The following FSTL5 variants were observed in gnomAD, a reference collection of about 807,000 sequenced individuals.
FSTL5 encodes the protein follistatin-related protein 5.
A neutral mutation model predicts 89.1 loss-of-function variants in FSTL5; 62 were observed. The ratio of observed to expected loss-of-function variants is 0.70; its 90% CI spans 0.57 to 0.86. The LOEUF (loss-of-function observed/expected upper bound fraction) is 0.86. Ranked by LOEUF, FSTL5 falls within the 40% of genes least tolerant of loss-of-function variation. The probability of loss-of-function intolerance (pLI) is 0.00; values close to 1 mark genes in which losing one functional copy is unlikely to be tolerated. For missense variants in FSTL5, 1,057 were observed against 1,001.6 expected (o/e 1.06, Z -0.75); for synonymous variants, 383 against 346.2 (o/e 1.11, Z -1.18).
chr4:161,890,050 T>C (rs1344479689), intron 4 of FSTL5, among the ~76,000 whole-genome samples: 1 of 152,232 alleles, frequency 6.6e-6, no homozygotes, highest in Non-Finnish European at 1.5e-5. Context: ...TCTGATATGG[T>C]TCTGAATCAT....
At chr4:161,416,124 C>T (rs1167079432) in intron 15 of FSTL5, among the ~76,000 whole-genome samples, 1 of 152,040 alleles carries the variant, frequency 6.6e-6, no homozygotes, top group Non-Finnish European at 1.5e-5. Flanking sequence ...TGATCTACTG[C>T]AACACATAAT....
chr4:161,900,437 G>A (rs62331165), intron 4 of FSTL5, among the ~76,000 whole-genome samples: 43,654 of 151,088 alleles, frequency 0.29, 6,907 homozygotes, highest in Non-Finnish European at 0.32. Flanking sequence ...TCAAGAGTTC[G>A]AGACCAGCCT....
intron 15 of FSTL5, among the ~76,000 whole-genome samples, chr4:161,407,845 C>T (rs1031762833): frequency 6.6e-6 from 1 of 152,186 alleles, no homozygotes; most frequent in Non-Finnish European, 1.5e-5. Context: ...TTTGCTCCAC[C>T]TCAATGTGTT....
At chr4:161,900,150 G>A (rs536153367) in intron 4 of FSTL5, among the ~76,000 whole-genome samples, 5 of 152,020 alleles carry the variant, frequency 3.3e-5, no homozygotes, top group South Asian at 2.1e-4. Context: ...GCCCAAGATC[G>A]TGCCATTGCA....
At chr4:161,689,240 C>T (rs1417920387) in intron 6 of FSTL5, among the ~76,000 whole-genome samples, 2 of 152,060 alleles carry the variant, frequency 1.3e-5, no homozygotes, top group Non-Finnish European at 2.9e-5. Context: ...CTATATAGAA[C>T]AAACTCTATA....
At chr4:161,486,361 A>T (rs572492383) in intron 12 of FSTL5, among the ~76,000 whole-genome samples, 1 of 152,258 alleles carries the variant, frequency 6.6e-6, no homozygotes, top group East Asian at 1.9e-4. Context: ...TTAGGCAGAC[A>T]CTGCTAGACA....
At chr4:161,406,787 A>G (rs10030512) in intron 15 of FSTL5, among the ~76,000 whole-genome samples, 23,785 of 152,116 alleles carry the variant, frequency 0.16, 2,002 homozygotes, top group East Asian at 0.24. Flanking sequence ...ATCTTTTTCC[A>G]TCTCTTCCTT....
chr4:161,888,410 A>G (rs1307413243), intron 4 of FSTL5, among the ~76,000 whole-genome samples: 1 of 152,186 alleles, frequency 6.6e-6, no homozygotes, highest in African/African-American at 2.4e-5. Context: ...CCAAACCTGG[A>G]AAACACATGC....
chr4:161,627,071 G>C (rs546371249), intron 7 of FSTL5, among the ~76,000 whole-genome samples: 2 of 152,178 alleles, frequency 1.3e-5, no homozygotes, highest in Non-Finnish European at 2.9e-5. Context: ...AAACTTAGTT[G>C]ATAAAGGGTT....
chr4:161,522,686 C>G (rs909950173), intron 10 of FSTL5, among the ~76,000 whole-genome samples: 1 of 151,402 alleles, frequency 6.6e-6, no homozygotes, highest in Non-Finnish European at 1.5e-5. Context: ...CTTGGAGAAT[C>G]TTTTTCAAAC....
intron 5 of FSTL5, among the ~76,000 whole-genome samples, chr4:161,760,747 T>C (rs1474744994): frequency 6.6e-6 from 1 of 152,230 alleles, no homozygotes; most frequent in Non-Finnish European, 1.5e-5. Flanking sequence ...CAATGAATTA[T>C]CATTTCTTTT....
intron 8 of FSTL5, among the ~76,000 whole-genome samples, chr4:161,580,437 T>C (rs2126598492): frequency 6.6e-6 from 1 of 152,298 alleles, no homozygotes; most frequent in East Asian, 1.9e-4. Context: ...TCAACTAGTT[T>C]TGATTTGACA....
At chr4:161,458,015 T>C (rs1733423650) in intron 14 of FSTL5, among the ~76,000 whole-genome samples, 1 of 152,188 alleles carries the variant, frequency 6.6e-6, no homozygotes, top group Non-Finnish European at 1.5e-5. Context: ...GCTTCCACTT[T>C]TGTAACATAA....
Position 161,860,071 on chromosome 4 carries a change from A to G in FSTL5, c.409+60333T>C, listed in dbSNP as rs139137896. On this transcript the variant is annotated intron_variant, in intron 4 of 15. Coordinates refer to ENST00000306100, the MANE Select transcript of FSTL5 (RefSeq NM_020116.5). Reference sequence around the variant, plus strand: ...TGGGAGGCCAAGGTGGGCGGATCACAAGGTCAGGAGATCTAGACCATCCTG... The same window carrying G: ...TGGGAGGCCAAGGTGGGCGGATCACGAGGTCAGGAGATCTAGACCATCCTG... 1.4e-3 allele frequency among the ~76,000 whole-genome samples: 215 copies of G among 152,206 alleles called. 2 individuals carry two copies. Among genetic ancestry groups the G allele is most frequent in the African/African-American group, 3.4e-3 (143 of 41,534 alleles).
chr4:161,650,406 G>A (rs1736295648), intron 7 of FSTL5, among the ~76,000 whole-genome samples: 1 of 152,108 alleles, frequency 6.6e-6, no homozygotes, highest in African/African-American at 2.4e-5. Flanking sequence ...TTTTGTAAAA[G>A]TGTATAATAC....
chr4:161,964,559 T>C (rs1485277329), intron 3 of FSTL5, among the ~76,000 whole-genome samples: 2 of 151,944 alleles, frequency 1.3e-5, no homozygotes, highest in South Asian at 2.1e-4. Flanking sequence ...GAGTGGGAGA[T>C]TTAATATCAA....
intron 2 of FSTL5, among the ~76,000 whole-genome samples, chr4:162,079,105 C>A (rs1225211847): frequency 6.6e-6 from 1 of 151,732 alleles, no homozygotes; most frequent in African/African-American, 2.4e-5. Flanking sequence ...TACTCTATAC[C>A]TGTTGCAAAT....
chr4:161,438,518 G>C (rs897041587), intron 15 of FSTL5, among the ~76,000 whole-genome samples: 7 of 151,888 alleles, frequency 4.6e-5, no homozygotes, highest in African/African-American at 1.7e-4. Context: ...ATTAAAAAAA[G>C]CTGCCCAGTT....
chr4:161,392,744 G>A (rs113229001), intron 15 of FSTL5, among the ~76,000 whole-genome samples: 3 of 152,258 alleles, frequency 2.0e-5, no homozygotes, highest in African/African-American at 7.2e-5. Context: ...TCTGATTAAT[G>A]TGTGTTTTAT....
Sources: allele counts gnomAD v4.1 joint callset (sites outside exome capture counted in the v4.1 genomes callset), GRCh38; gene constraint gnomAD v4.1.1; transcripts MANE v1.5; gene names NCBI Gene and HGNC (gene_info 2026-07-23, HGNC 2026-07-21).